Variants in GPC5 observed in about 807,000 individuals in gnomAD.
The protein encoded by GPC5 is glypican-5.
A neutral mutation model predicts 53.9 loss-of-function variants in GPC5; 47 were observed. The observed-to-expected ratio is 0.87, with a 90% CI of 0.69 to 1.11. GPC5 has a LOEUF of 1.11. Ranked by LOEUF, GPC5 falls within the 50% of genes most tolerant of loss-of-function variation. The pLI is 0.00. For synonymous variants in GPC5, 286 were observed against 263.3 expected (o/e 1.09, Z -0.84); for missense variants, 748 against 713.1 (o/e 1.05, Z -0.56).
chr13:91,871,081 A>G (rs2039138963), intron 5 of GPC5, among the ~76,000 whole-genome samples: 1 of 152,212 alleles, frequency 6.6e-6, no homozygotes. Flanking sequence ...ACTATGTGTT[A>G]TGTGCCTGCA....
Position 92,435,967 on chromosome 13 carries a change from T to C in GPC5, c.1561+290978T>C, listed in dbSNP as rs71427575. Among the ~76,000 whole-genome samples the C allele has an allele frequency of 5.2e-3, 792 of 152,304 alleles. 13 individuals are homozygous for C. The highest frequency in any genetic ancestry group is 0.027 in the Middle Eastern group (8 of 294). ...TACATGTAGGAACTATTAATGACTC[T>C]CTTTAAGATTTATATTTTTAATCAG... On this transcript the variant is annotated intron_variant, in intron 7 of 7. Coordinates refer to ENST00000377067, the MANE Select transcript of GPC5 (RefSeq NM_004466.6).
chr13:92,119,862 C>T (rs1024103750), intron 6 of GPC5, among the ~76,000 whole-genome samples: 1 of 151,844 alleles, frequency 6.6e-6, no homozygotes, highest in Non-Finnish European at 1.5e-5. Flanking sequence ...ATTCTCTCTG[C>T]ACAACTATAC....
At chr13:92,164,217 C>T (rs1414907150) in intron 7 of GPC5, among the ~76,000 whole-genome samples, 1 of 152,124 alleles carries the variant, frequency 6.6e-6, no homozygotes, top group African/African-American at 2.4e-5. Flanking sequence ...GCCTTTCCAG[C>T]AGTCCCCCAA....
chr13:92,188,087 A>T (rs2042197041), intron 7 of GPC5, among the ~76,000 whole-genome samples: 2 of 151,898 alleles, frequency 1.3e-5, no homozygotes. Context: ...CCTCAGTCTC[A>T]TGGGAGTAAA....
chr13:92,397,726 G>A (rs1489105183), intron 7 of GPC5, among the ~76,000 whole-genome samples: 1 of 152,020 alleles, frequency 6.6e-6, no homozygotes, highest in East Asian at 1.9e-4. Flanking sequence ...GGACAGAAGC[G>A]ACAGCTTACA....
chr13:91,711,953 T>A (rs1354958297), intron 3 of GPC5, among the ~76,000 whole-genome samples: 1 of 152,232 alleles, frequency 6.6e-6, no homozygotes, highest in Non-Finnish European at 1.5e-5. Context: ...GGATTGGTCA[T>A]GCTGAAATTT....
At chr13:91,953,273 T>C (rs1161670094) in intron 6 of GPC5, among the ~76,000 whole-genome samples, 1 of 152,154 alleles carries the variant, frequency 6.6e-6, no homozygotes, top group Admixed American at 6.5e-5. Flanking sequence ...TTTAGAAATC[T>C]GGGAATTTGA....
At chr13:92,097,326 A>G (rs112637750) in intron 6 of GPC5, among the ~76,000 whole-genome samples, 29 of 152,346 alleles carry the variant, frequency 1.9e-4, no homozygotes, top group African/African-American at 7.0e-4. Context: ...GTAAACTGAG[A>G]GAAGAATTGT....
chr13:92,030,513 C>G (rs1189480971), intron 6 of GPC5, among the ~76,000 whole-genome samples: 3 of 152,090 alleles, frequency 2.0e-5, no homozygotes, highest in African/African-American at 7.2e-5. Context: ...CATTTCTCCC[C>G]AAAGTTCCTT....
intron 7 of GPC5, among the ~76,000 whole-genome samples, chr13:92,424,496 T>C (rs905646830): frequency 9.2e-5 from 14 of 152,100 alleles, no homozygotes; most frequent in African/African-American, 3.4e-4. Context: ...AAAATGCCTT[T>C]ATCTTTTTGG....
intron 5 of GPC5, among the ~76,000 whole-genome samples, chr13:91,860,364 T>C (rs928100108): frequency 6.6e-6 from 1 of 152,042 alleles, no homozygotes; most frequent in Non-Finnish European, 1.5e-5. Context: ...CATAATATCC[T>C]CCATTTCTAT....
At chr13:91,981,794 A>T (rs1218433104) in intron 6 of GPC5, among the ~76,000 whole-genome samples, 4 of 152,124 alleles carry the variant, frequency 2.6e-5, no homozygotes, top group African/African-American at 7.2e-5. Flanking sequence ...TTTAATCTTG[A>T]CTCACCCATT....
intron 7 of GPC5, among the ~76,000 whole-genome samples, chr13:92,222,537 G>A (rs1470462500): frequency 6.6e-6 from 1 of 152,144 alleles, no homozygotes; most frequent in Admixed American, 6.6e-5. Flanking sequence ...AGTTCGCACA[G>A]ACACAAAACA....
intron 7 of GPC5, among the ~76,000 whole-genome samples, chr13:92,679,023 G>A (rs1887035630): frequency 6.6e-6 from 1 of 152,130 alleles, no homozygotes; most frequent in Non-Finnish European, 1.5e-5. Context: ...AATGGATTAA[G>A]AAAAGAAAGA....
rs568871071 is a variant in GPC5, at chr13:91,567,506, T to A, written c.325+118584T>A. ...ACTGAATCAGGGCAGCCCTGAATAG[T>A]GTTCTGTATGCCAAGCTCAGGAGAG... On this transcript the variant is annotated intron_variant, in intron 2 of 7. Transcript: ENST00000377067. Among the ~76,000 whole-genome samples the A allele has an allele frequency of 2.0e-5, 3 of 152,248 alleles. No homozygotes were observed. In the South Asian group the frequency reaches 6.2e-4, roughly 32 times the overall value.
intron 2 of GPC5, among the ~76,000 whole-genome samples, chr13:91,622,080 C>T (rs1273632565): frequency 1.3e-5 from 2 of 151,958 alleles, no homozygotes; most frequent in Non-Finnish European, 2.9e-5. Flanking sequence ...TCTGCCCTTC[C>T]ATCTTCTCTT....
chr13:92,651,055 T>A (rs1273770642), intron 7 of GPC5, among the ~76,000 whole-genome samples: 1 of 152,092 alleles, frequency 6.6e-6, no homozygotes. Flanking sequence ...TCCAGCTTCA[T>A]CCATGTCCCT....
At chr13:92,329,371 G>T (rs550151358) in intron 7 of GPC5, among the ~76,000 whole-genome samples, 47 of 152,138 alleles carry the variant, frequency 3.1e-4, no homozygotes, top group Admixed American at 1.7e-3. Flanking sequence ...GGTCCCAGAC[G>T]TACAAACAAC....
chr13:91,490,692 G>A (rs538771925), intron 2 of GPC5, among the ~76,000 whole-genome samples: 121 of 152,262 alleles, frequency 7.9e-4, no homozygotes, highest in Admixed American at 2.9e-3. Flanking sequence ...ATGGATACAC[G>A]TTTAACTTAC....
Sources: allele counts gnomAD v4.1 joint callset (sites outside exome capture counted in the v4.1 genomes callset), GRCh38; gene constraint gnomAD v4.1.1; transcripts MANE v1.5; gene names NCBI Gene and HGNC (gene_info 2026-07-23, HGNC 2026-07-21).